DAB1: variants seen among roughly 807,000 people sequenced by gnomAD.
DAB1 encodes the protein disabled homolog 1.
DAB1 carries 15 observed loss-of-function variants against 64.6 expected under a neutral mutation model. That is an observed-to-expected ratio of 0.23 (90% CI 0.16 to 0.36). The LOEUF (loss-of-function observed/expected upper bound fraction) is 0.36. Ranked by LOEUF, DAB1 falls within the 10% of genes least tolerant of loss-of-function variation. The pLI, the probability that DAB1 is intolerant of heterozygous loss-of-function variation, is 1.00. For missense variants in DAB1, 596 were observed against 706.7 expected, an observed-to-expected ratio of 0.84 and a Z score of 1.78; for synonymous variants, 235 against 251.9, an observed-to-expected ratio of 0.93 and a Z score of 0.64.
At chr1:57,455,345 T>C (rs1232860773) in intron 7 of DAB1, among the ~76,000 whole-genome samples, 1 of 152,110 alleles carries the variant, frequency 6.6e-6, no homozygotes, top group Non-Finnish European at 1.5e-5. Flanking sequence ...TTATCCCAAA[T>C]TTACAGATGA....
intron 1 of DAB1, among the ~76,000 whole-genome samples, chr1:57,882,058 A>T (rs1416619256): frequency 6.6e-6 from 1 of 152,200 alleles, no homozygotes; most frequent in Non-Finnish European, 1.5e-5. Flanking sequence ...AAAGGTAAAG[A>T]AAACCTAAAG....
intron 2 of DAB1, among the ~76,000 whole-genome samples, chr1:57,203,195 C>T (rs1439795968): frequency 6.6e-6 from 1 of 152,152 alleles, no homozygotes; most frequent in Non-Finnish European, 1.5e-5. Flanking sequence ...TTCACACCTC[C>T]AAGTTTTGGA....
chr1:58,275,411 T>C (rs1013577196), intron 4 of DAB1, among the ~76,000 whole-genome samples: 1 of 152,154 alleles, frequency 6.6e-6, no homozygotes, highest in African/African-American at 2.4e-5. Context: ...GGAGAAAGTA[T>C]TCATAAATCA....
chr1:58,518,375 GAAGAA>G (rs904860543), intron 2 of DAB1, among the ~76,000 whole-genome samples: 6 of 148,578 alleles, frequency 4.0e-5, no homozygotes, highest in African/African-American at 1.5e-4. Context: ...GAAGAGAAGG[GAAGAA>G]AAGAAAAGAA....
At chr1:57,354,920 A>G (rs1678938779) in intron 1 of DAB1, among the ~76,000 whole-genome samples, 2 of 152,090 alleles carry the variant, frequency 1.3e-5, no homozygotes, top group Non-Finnish European at 2.9e-5. Flanking sequence ...GTGCCATGAG[A>G]GAAATGTGTA....
chr1:57,534,792 TG>T (rs1431500012), intron 7 of DAB1, among the ~76,000 whole-genome samples: 1 of 152,182 alleles, frequency 6.6e-6, no homozygotes, highest in African/African-American at 2.4e-5. Flanking sequence ...TGAGATAACA[TG>T]TCTCTCTTCT....
intron 2 of DAB1, among the ~76,000 whole-genome samples, chr1:57,244,669 A>G (rs1668734395): frequency 6.6e-6 from 1 of 152,226 alleles, no homozygotes; most frequent in African/African-American, 2.4e-5. Flanking sequence ...ATCCTCCCTT[A>G]ACTTTCTATA....
intron 5 of DAB1, among the ~76,000 whole-genome samples, chr1:58,126,976 T>C (rs1254241023): frequency 1.3e-5 from 2 of 149,374 alleles, no homozygotes; most frequent in Non-Finnish European, 3.0e-5. Flanking sequence ...ATATACCCAG[T>C]AATGGGATGG....
chr1:57,239,868 G>A (rs144200402), intron 2 of DAB1, among the ~76,000 whole-genome samples: 22 of 152,142 alleles, frequency 1.4e-4, no homozygotes, highest in African/African-American at 5.1e-4. Context: ...TTATCTGCCC[G>A]TCCAGGCAAG....
intron 7 of DAB1, among the ~76,000 whole-genome samples, chr1:57,448,828 CTGAT>C (rs1686244685): frequency 6.6e-6 from 1 of 151,934 alleles, no homozygotes; most frequent in African/African-American, 2.4e-5. Flanking sequence ...ACTGGTAACA[CTGAT>C]TAAGAATAAG....
At chr1:57,172,811 C>T (rs551437427) in intron 2 of DAB1, among the ~76,000 whole-genome samples, 1 of 152,162 alleles carries the variant, frequency 6.6e-6, no homozygotes, top group African/African-American at 2.4e-5. Context: ...CCCATTAGGC[C>T]CCACCTCCAA....
chr1:57,470,990 G>T (rs1324351560), intron 7 of DAB1, among the ~76,000 whole-genome samples: 1 of 152,128 alleles, frequency 6.6e-6, no homozygotes, highest in East Asian at 1.9e-4. Flanking sequence ...AATTTTTATG[G>T]CCTACTTAAA....
At chr1:57,251,596 T>G (rs1669345435) in intron 2 of DAB1, among the ~76,000 whole-genome samples, 1 of 152,190 alleles carries the variant, frequency 6.6e-6, no homozygotes, top group Non-Finnish European at 1.5e-5. Context: ...GAGACATCAT[T>G]AGACAGGGCT....
At chr1:57,431,846 G>T (rs1028785340) in intron 7 of DAB1, among the ~76,000 whole-genome samples, 2 of 152,154 alleles carry the variant, frequency 1.3e-5, no homozygotes, top group Non-Finnish European at 2.9e-5. Context: ...TGGCTGGGCC[G>T]GGCACAGTGG....
At chr1:57,930,347 G>C (rs535063732) in intron 5 of DAB1, among the ~76,000 whole-genome samples, 5 of 152,134 alleles carry the variant, frequency 3.3e-5, no homozygotes. Context: ...CACCAATATT[G>C]TGTTGGCTAT....
intron 4 of DAB1, among the ~76,000 whole-genome samples, chr1:58,223,937 T>A (rs958813797): frequency 1.2e-4 from 18 of 152,198 alleles, no homozygotes; most frequent in African/African-American, 4.3e-4. Flanking sequence ...GAAAGAAGAA[T>A]TGCTTCCCTA....
At chr1:58,011,728 C>T (rs1646670775) in intron 5 of DAB1, among the ~76,000 whole-genome samples, 1 of 152,138 alleles carries the variant, frequency 6.6e-6, no homozygotes, top group African/African-American at 2.4e-5. Context: ...CTTTCTGTCG[C>T]CCAGGCTGGA....
intron 1 of DAB1, among the ~76,000 whole-genome samples, chr1:57,826,798 T>C (rs1569793255): frequency 6.6e-6 from 1 of 152,216 alleles, no homozygotes; most frequent in Non-Finnish European, 1.5e-5. Flanking sequence ...GGAAGTGCTC[T>C]GCCACTCTGA....
intron 2 of DAB1, among the ~76,000 whole-genome samples, chr1:57,220,017 T>C (rs1042148735): frequency 2.0e-5 from 3 of 152,216 alleles, no homozygotes; most frequent in Admixed American, 1.3e-4. Context: ...GACTACAAGC[T>C]TCTTGAGGGA....
Sources: gnomAD v4.1 joint callset for allele counts (sites outside exome capture counted in the v4.1 genomes callset) on GRCh38, gnomAD v4.1.1 for gene constraint, MANE v1.5 for transcripts, NCBI Gene and HGNC (gene_info 2026-07-23, HGNC 2026-07-21) for gene names.